The following RIPOR2 variants were observed in gnomAD, a reference collection of about 807,000 sequenced individuals.
The protein encoded by RIPOR2 is rho family-interacting cell polarization regulator 2.
Under a neutral mutation model 114.5 loss-of-function variants are expected in RIPOR2, and 39 were observed. The observed-to-expected ratio is 0.34, with a 90% CI of 0.26 to 0.44. RIPOR2 has a LOEUF of 0.44. RIPOR2 is among the 20% of genes least tolerant of loss of function. RIPOR2 has a pLI of 1.00. For synonymous variants in RIPOR2, 445 were observed against 484.4 expected (o/e 0.92, Z 1.07); for missense variants, 1,007 against 1,255.1 (o/e 0.80, Z 2.99).
At chr6:24,808,695 T>C (rs904843360) in intron 21 of RIPOR2, among the ~76,000 whole-genome samples, 4 of 151,888 alleles carry the variant, frequency 2.6e-5, no homozygotes, top group African/African-American at 9.7e-5. Context: ...TCTAGGAGCA[T>C]AGTTTTTATA....
In RIPOR2 at chr6:24,822,318, G is replaced by A. The variant is rs149913716; in HGVS notation, c.2868+2908C>T. 4.0e-3 allele frequency among the ~76,000 whole-genome samples: 612 copies of A among 152,258 alleles called. 3 individuals are homozygous for A. Among genetic ancestry groups the A allele is most frequent in the African/African-American group, 0.014 (562 of 41,542 alleles). ...CCCTCATTTCAGGAACACAAATATT[G>A]TAACCATGTGTGTAAATATATCTGA... On this transcript the variant is annotated intron_variant, in intron 19 of 21. Transcript: ENST00000643898.
intron 4 of RIPOR2, among the ~76,000 whole-genome samples, chr6:24,872,489 G>A (rs1765289689): frequency 6.6e-6 from 1 of 152,182 alleles, no homozygotes; most frequent in African/African-American, 2.4e-5. Context: ...AAAGTGTTGG[G>A]ATAACAAGCA....
Position 24,991,120 on chromosome 6 carries a change from C to T in RIPOR2, c.76+50731G>A, listed in dbSNP as rs549898382. On this transcript the variant is annotated intron_variant, in intron 1 of 13. Coordinates refer to the RIPOR2 transcript ENST00000510784. ...TTCCTGTGTCTTTCTAACAAGCATG[C>T]GTCATTAGCCCTGGGAACCTTCTGC... 2.6e-5 allele frequency among the ~76,000 whole-genome samples: 4 copies of T among 152,236 alleles called. No homozygotes were observed. The East Asian group carries it at 5.8e-4, about 22-fold the overall frequency.
At chr6:24,831,604 G>A (rs1478843765) in intron 16 of RIPOR2, among the ~76,000 whole-genome samples, 3 of 152,186 alleles carry the variant, frequency 2.0e-5, no homozygotes, top group African/African-American at 7.2e-5. Context: ...TAGTGGGAAT[G>A]GATGTGGGAG....
intron 1 of RIPOR2, among the ~76,000 whole-genome samples, chr6:25,003,498 G>A (rs1320596220): frequency 6.6e-6 from 1 of 151,512 alleles, no homozygotes; most frequent in African/African-American, 2.4e-5. Context: ...GCGCAGTCAT[G>A]GCTCAGTGTA....
upstream of RIPOR2, among the ~76,000 whole-genome samples, chr6:24,939,646 T>C (rs1028952874): frequency 6.6e-6 from 1 of 152,172 alleles, no homozygotes; most frequent in African/African-American, 2.4e-5. Flanking sequence ...GATAGGGAAA[T>C]TCAGTGCTTA....
chr6:24,937,370 G>A (rs576181999), upstream of RIPOR2, among the ~76,000 whole-genome samples: 1 of 152,278 alleles, frequency 6.6e-6, no homozygotes, highest in South Asian at 2.1e-4. Flanking sequence ...AGCTCAACAG[G>A]AAGAACTGTC....
At chr6:24,826,144 C>A (rs1011715540) in intron 18 of RIPOR2, among the ~76,000 whole-genome samples, 4 of 152,066 alleles carry the variant, frequency 2.6e-5, no homozygotes, top group African/African-American at 7.2e-5. Context: ...CCAGGCTGGT[C>A]TCAAACTCCC....
chr6:24,839,817 TACAAAAG>T (rs1761478188), intron 13 of RIPOR2: 1 of 1,335,884 alleles, frequency 7.5e-7, no homozygotes, highest in Non-Finnish European at 9.5e-7. Context: ...TTCGGTGTTT[TACAAAAG>T]GCGCTAGCTA....
At chr6:24,877,385 G>C in intron 1 of RIPOR2, 1 of 984,458 alleles carries the variant, frequency 1.0e-6, no homozygotes, top group Non-Finnish European at 1.2e-6. Flanking sequence ...CTTGGCTACA[G>C]GTATGGCAAT....
At chr6:24,837,472 G>A (rs1761221801) in intron 14 of RIPOR2, among the ~76,000 whole-genome samples, 1 of 151,968 alleles carries the variant, frequency 6.6e-6, no homozygotes, top group Non-Finnish European at 1.5e-5. Flanking sequence ...CTGGAGTGCT[G>A]TGGTACAATC....
intron 1 of RIPOR2, among the ~76,000 whole-genome samples, chr6:25,019,256 T>G (rs576959304): frequency 6.6e-6 from 1 of 152,326 alleles, no homozygotes; most frequent in East Asian, 1.9e-4. Flanking sequence ...TACTCTAATA[T>G]GTGGCATAGT....
intron 18 of RIPOR2, among the ~76,000 whole-genome samples, chr6:24,827,116 A>T (rs1760256910): frequency 1.3e-5 from 2 of 152,202 alleles, no homozygotes; most frequent in Non-Finnish European, 2.9e-5. Context: ...TTAGATTGGG[A>T]CAAATTTAGT....
At chr6:24,971,351 T>A (rs1273081132) in intron 1 of RIPOR2, among the ~76,000 whole-genome samples, 1 of 152,170 alleles carries the variant, frequency 6.6e-6, no homozygotes, top group African/African-American at 2.4e-5. Flanking sequence ...TTTTAGGATA[T>A]CCCATAGACA....
At chr6:25,008,525 T>C (rs1775649180) in intron 1 of RIPOR2, among the ~76,000 whole-genome samples, 1 of 152,236 alleles carries the variant, frequency 6.6e-6, no homozygotes, top group Admixed American at 6.5e-5. Context: ...ATGCAGCCTT[T>C]GAGTTAAGCC....
chr6:24,906,750 C>T (rs539900353), intron 1 of RIPOR2, among the ~76,000 whole-genome samples: 23 of 152,322 alleles, frequency 1.5e-4, no homozygotes, highest in Admixed American at 4.6e-4. Flanking sequence ...GATCCTCCCA[C>T]CTCAGCTTCC....
chr6:24,921,697 G>T (rs1015466581), intron 1 of RIPOR2, among the ~76,000 whole-genome samples: 1 of 144,396 alleles, frequency 6.9e-6, no homozygotes, highest in African/African-American at 2.6e-5. Flanking sequence ...CTTGTCTATT[G>T]TCTGCCTCGC....
rs376158752 is a variant in RIPOR2, at chr6:24,864,517, G to A, written c.651+784C>T. ...GGGCTGAACCAGATGCTCAGCTCTGGGAATTGTCCAACAGACCCTCTACAG... is the reference window on the plus strand; with the variant it reads ...GGGCTGAACCAGATGCTCAGCTCTGAGAATTGTCCAACAGACCCTCTACAG... On this transcript the variant is annotated intron_variant, in intron 7 of 21. Transcript: ENST00000643898. 6.7e-4 allele frequency among the ~76,000 whole-genome samples: 102 copies of A among 152,180 alleles called. 1 individual carries two copies. The South Asian group carries it at 0.019, about 28-fold the overall frequency.
At chr6:24,987,078 T>G (rs1774563528) in intron 1 of RIPOR2, among the ~76,000 whole-genome samples, 1 of 152,138 alleles carries the variant, frequency 6.6e-6, no homozygotes, top group Admixed American at 6.5e-5. Context: ...CAGGTCAAAG[T>G]TACAAATAAG....
Sources: allele counts gnomAD v4.1 joint callset (sites outside exome capture counted in the v4.1 genomes callset), GRCh38; gene constraint gnomAD v4.1.1; transcripts MANE v1.5; gene names NCBI Gene and HGNC (gene_info 2026-07-23, HGNC 2026-07-21).